Variants in CCSAP observed in about 807,000 individuals in gnomAD.
CCSAP encodes the protein centriole, cilia and spindle-associated protein.
Under a neutral mutation model 25.9 loss-of-function variants are expected in CCSAP, and 17 were observed. The observed-to-expected ratio is 0.66, with a 90% confidence interval of 0.45 to 0.99. CCSAP has a LOEUF of 0.99. CCSAP is among the 50% of genes least tolerant of loss of function. CCSAP has a pLI of 0.00. For synonymous variants in CCSAP, 169 were observed against 157.1 expected (o/e 1.08, Z -0.57); for missense variants, 339 against 367.8 (o/e 0.92, Z 0.64).
intron 2 of CCSAP, among the ~76,000 whole-genome samples, chr1:229,337,223 C>T (rs572287444): frequency 6.6e-6 from 1 of 151,994 alleles, no homozygotes; most frequent in East Asian, 1.9e-4. Context: ...AGAACACCTC[C>T]TAAAAAGATA....
At chr1:229,337,729 A>ATG (rs1287465344) in intron 2 of CCSAP, among the ~76,000 whole-genome samples, 2 of 132,236 alleles carry the variant, frequency 1.5e-5, no homozygotes, top group African/African-American at 5.6e-5. Flanking sequence ...GTATATATAT[A>ATG]TGTGTGTGTG....
intron 2 of CCSAP, among the ~76,000 whole-genome samples, chr1:229,340,846 T>C (rs1353455044): frequency 6.6e-6 from 1 of 152,084 alleles, no homozygotes; most frequent in East Asian, 1.9e-4. Context: ...TAAACAAAAA[T>C]AAACACATAA....
intron 2 of CCSAP, among the ~76,000 whole-genome samples, chr1:229,338,876 G>A (rs1268692411): frequency 1.3e-5 from 2 of 151,768 alleles, no homozygotes; most frequent in African/African-American, 4.8e-5. Flanking sequence ...GGAATAAATG[G>A]CAGCCCAGAA....
In CCSAP at chr1:229,323,031, T is replaced by C. The variant is rs867199311; in HGVS notation, c.*2204A>G. 4 of 152,160 alleles carry C rather than the reference T, an allele frequency of 2.6e-5. No homozygotes were observed. Among genetic ancestry groups the C allele is most frequent in the Admixed American group, 6.5e-5 (1 of 15,282 alleles). The allele number at this position is 152,160 out of a possible 1,614,324, so 9.4% of individuals were successfully genotyped here. A position where few individuals can be genotyped will look rare whatever the true frequency, so the allele number is the denominator to read the frequency against. On this transcript the variant is annotated 3_prime_UTR_variant, in exon 4 of 4. Transcript: ENST00000284617. The stretch of plus-strand genomic sequence containing the variant: ...AGGACCATCAGACTGTTAACAACTA[T>C]CAAATTTTCACAGGTTCAAAAGGTA...
chr1:229,325,522 T>C, intron 3 of CCSAP, 111 bp from the exon 4 acceptor site: 1 of 904,908 alleles, frequency 1.1e-6, no homozygotes, highest in South Asian at 1.7e-5. Flanking sequence ...CAGGGCAGAG[T>C]CAAGCCCTGC....
intron 2 of CCSAP, chr1:229,327,570 G>T (rs894817984): frequency 2.2e-6 from 1 of 456,224 alleles, no homozygotes; most frequent in South Asian, 1.5e-5. Context: ...TGTGGGAAGA[G>T]TTAAAAATGA....
chr1:229,339,256 G>A (rs1057198096), intron 2 of CCSAP, among the ~76,000 whole-genome samples: 15 of 152,014 alleles, frequency 9.9e-5, no homozygotes, highest in Middle Eastern at 3.4e-3. Flanking sequence ...AGAGAAGACC[G>A]TGAAAGCTTC....
intron 2 of CCSAP, among the ~76,000 whole-genome samples, chr1:229,333,399 C>G (rs1264237039): frequency 1.4e-5 from 2 of 145,260 alleles, no homozygotes; most frequent in East Asian, 2.0e-4. Flanking sequence ...CGCCACTGCA[C>G]TCCAGCCTGG....
chr1:229,322,046 T>C lies in CCSAP; in HGVS notation c.*3189A>G, dbSNP rs1384055606. 6.6e-6 allele frequency: 1 copy of C among 152,214 alleles called. No individual in the cohort carries two copies. Among genetic ancestry groups the C allele is most frequent in the African/African-American group, 2.4e-5 (1 of 41,450 alleles). The allele number at this position is 152,214 out of a possible 1,614,324, so 9.4% of individuals were successfully genotyped here. ...TATATGCAAATACTACACCATTTTA[T>C]AGAAGGGGTTTGAGTATCCATGGAG... On this transcript the variant is annotated 3_prime_UTR_variant, in exon 4 of 4. Coordinates refer to ENST00000284617, the MANE Select transcript of CCSAP (RefSeq NM_145257.5).
At chr1:229,334,199 T>A (rs879641721) in intron 2 of CCSAP, among the ~76,000 whole-genome samples, 1 of 152,198 alleles carries the variant, frequency 6.6e-6, no homozygotes, top group Non-Finnish European at 1.5e-5. Context: ...GCCACCCAAA[T>A]AGCTGGGATT....
Position 229,325,266 on chromosome 1 carries a change from T to C in CCSAP, c.782A>G (p.Glu261Gly). The stretch of plus-strand genomic sequence containing the variant: ...TCTTGCCGAATAGCACCTCATGTAT[T>C]CTGTCATCCACGGGTTCTCTGAGGA... ...ASSSENPWMTEYMRCYSARA is the reference protein window; with the variant it reads ...ASSSENPWMTGYMRCYSARA Residue 261 changes from glutamate to glycine, a missense_variant, in exon 4 of 4, where the codon GAA becomes GGA. Glu to Gly is a moderately conservative substitution (Grantham distance 98). Coordinates refer to ENST00000284617, the MANE Select transcript of CCSAP (RefSeq NM_145257.5). The C allele has an allele frequency of 2.5e-6, 4 of 1,613,732 alleles. No homozygotes were observed. The highest frequency in any genetic ancestry group is 3.4e-6 in the Non-Finnish European group (4 of 1,179,906).
chr1:229,338,866 G>A (rs1658263848), intron 2 of CCSAP, among the ~76,000 whole-genome samples: 1 of 151,836 alleles, frequency 6.6e-6, no homozygotes, highest in Non-Finnish European at 1.5e-5. Context: ...GGTAAGGGAG[G>A]GAATAAATGG....
chr1:229,327,063 T>A, intron 2 of CCSAP, 57 bp from the exon 3 acceptor site: 1 of 1,363,902 alleles, frequency 7.3e-7, no homozygotes, highest in Non-Finnish European at 9.9e-7. Context: ...TATATATAAT[T>A]AAAATATTTA....
intron 2 of CCSAP, among the ~76,000 whole-genome samples, chr1:229,335,707 G>A (rs963791793): frequency 6.6e-6 from 1 of 152,168 alleles, no homozygotes; most frequent in East Asian, 1.9e-4. Context: ...CACAGGAAGA[G>A]GTCATGCATG....
rs1657863619 is a variant in CCSAP, at chr1:229,323,044, G to C, written c.*2191C>G. 6.6e-6 allele frequency: 1 copy of C among 152,038 alleles called. No homozygotes were observed. The highest frequency in any genetic ancestry group is 1.5e-5 in the Non-Finnish European group (1 of 68,022). 9.4% of individuals were successfully genotyped at this position (152,038 alleles called of 1,614,324 possible). A position where few individuals can be genotyped will look rare whatever the true frequency, so the allele number is the denominator to read the frequency against. ...TGTTAACAACTATCAAATTTTCACA[G>C]GTTCAAAAGGTAATTGACACTCTTT... On this transcript the variant is annotated 3_prime_UTR_variant, in exon 4 of 4. Coordinates refer to ENST00000284617, the MANE Select transcript of CCSAP (RefSeq NM_145257.5).
chr1:229,339,183 T>C (rs780139337), intron 2 of CCSAP, among the ~76,000 whole-genome samples: 12 of 150,048 alleles, frequency 8.0e-5, no homozygotes, highest in South Asian at 2.1e-4. Context: ...ACCTGCCAAG[T>C]GCCCAGCAAA....
rs1005464040 is a variant in CCSAP at position 229,321,924 on chromosome 1, A to G, written c.*3311T>C. On this transcript the variant is annotated 3_prime_UTR_variant, in exon 4 of 4. Transcript: ENST00000284617. ...TTTCCTTGTCATTATTCCCTAAACAATATAGTATAACAACTATTTACAGAG... is the reference window on the plus strand; with the variant it reads ...TTTCCTTGTCATTATTCCCTAAACAGTATAGTATAACAACTATTTACAGAG... 6.6e-5 allele frequency: 10 copies of G among 152,226 alleles called. No homozygotes were observed. Among genetic ancestry groups the G allele is most frequent in the Non-Finnish European group, 1.3e-4 (9 of 68,038 alleles). 9.4% of individuals were successfully genotyped at this position (152,226 alleles called of 1,614,324 possible).
chr1:229,330,454 G>C (rs963581066), intron 2 of CCSAP, among the ~76,000 whole-genome samples: 1 of 152,186 alleles, frequency 6.6e-6, no homozygotes, highest in Non-Finnish European at 1.5e-5. Context: ...TAATGCACAG[G>C]CAAAGAAAGG....
intron 2 of CCSAP, among the ~76,000 whole-genome samples, chr1:229,340,095 G>A (rs1658294878): frequency 2.0e-5 from 3 of 152,272 alleles, no homozygotes; most frequent in Middle Eastern, 3.4e-3. Context: ...GTGATTCTAT[G>A]TGCATCTATG....
Sources: gnomAD v4.1 joint callset for allele counts (sites outside exome capture counted in the v4.1 genomes callset) on GRCh38, gnomAD v4.1.1 for gene constraint, MANE v1.5 for transcripts, NCBI Gene and HGNC (gene_info 2026-07-23, HGNC 2026-07-21) for gene names.